WRAP73: variants seen among roughly 807,000 people sequenced by gnomAD.
WRAP73 encodes the protein WD repeat-containing protein WRAP73.
Under a neutral mutation model 59.6 loss-of-function variants are expected in WRAP73, and 55 were observed. That is an observed-to-expected ratio of 0.92 (90% CI 0.74 to 1.15). WRAP73 has a LOEUF of 1.15. WRAP73 is among the 50% of genes most tolerant of loss of function. The probability of loss-of-function intolerance (pLI) is 0.00; values close to 1 mark genes in which losing one functional copy is unlikely to be tolerated. For synonymous variants in WRAP73, 265 were observed against 258.2 expected, an observed-to-expected ratio of 1.03 and a Z score of -0.25; for missense variants, 592 against 608.1, an observed-to-expected ratio of 0.97 and a Z score of 0.28.
intron 10 of WRAP73, 129 bp downstream of exon 10, chr1:3,632,084 A>G: frequency 1.3e-6 from 2 of 1,499,206 alleles, no homozygotes; most frequent in Non-Finnish European, 1.8e-6. Flanking sequence ...CACCTCGGCT[A>G]CTGCAGAAAC....
intron 8 of WRAP73, chr1:3,633,991 G>A (rs1644566226): frequency 1.3e-5 from 2 of 157,378 alleles, no homozygotes; most frequent in Non-Finnish European, 2.8e-5. Flanking sequence ...CCAGGTAAGG[G>A]AGTCACCTGG....
chr1:3,631,753 A>T, intron 10 of WRAP73, 96 bp from the exon 11 acceptor site: 25 of 1,458,322 alleles, frequency 1.7e-5, no homozygotes, highest in Admixed American at 2.2e-5. Flanking sequence ...ACAGGAGGGG[A>T]GGGGAAGAAC....
At chr1:3,635,921 A>G in intron 6 of WRAP73, 23 bp downstream of exon 6, 3 of 1,604,760 alleles carry the variant, frequency 1.9e-6, no homozygotes, top group South Asian at 1.1e-5. Flanking sequence ...GAAAGCAAAC[A>G]TGTCACCTGG....
rs1570295353 is a variant in WRAP73, at chr1:3,634,892, C to A, written c.816+105G>T. 9 of 1,331,274 alleles carry A rather than the reference C, an allele frequency of 6.8e-6. No individual in the cohort carries two copies. The East Asian group carries it at 1.8e-4, about 27-fold the overall frequency. 82.5% of individuals were successfully genotyped at this position (1,331,274 alleles called of 1,614,324 possible). The stretch of plus-strand genomic sequence containing the variant: ...TAGCAAGTTTACGGTGATGGAAGTG[C>A]CCGGTTAAATAATAAACCACAATCA... On this transcript the variant is annotated intron_variant, in intron 8 of 11. Transcript: ENST00000270708.
chr1:3,639,326 G>A lies in WRAP73; in HGVS notation c.340-504C>T. 2 of 172,088 alleles carry A rather than the reference G, an allele frequency of 1.2e-5. No individual in the cohort carries two copies. The highest frequency in any genetic ancestry group is 2.5e-5 in the Non-Finnish European group (2 of 81,540). 10.7% of individuals were successfully genotyped at this position (172,088 alleles called of 1,614,324 possible). A position where few individuals can be genotyped will look rare whatever the true frequency, so the allele number is the denominator to read the frequency against. On this transcript the variant is annotated intron_variant, in intron 3 of 11. Transcript: ENST00000270708. The surrounding 1 kb of genome is among the most constrained non-coding windows in gnomAD (Gnocchi z 4.3). ...AGGTGTCCGTCTGCCTCCTGCGTGT[G>A]CTCGCTGGCCTGGCTGCATCTGCAG...
Position 3,631,127 on chromosome 1 carries a change from G to A in WRAP73, c.1241-10C>T, listed in dbSNP as rs1557452179. On this transcript the variant is annotated splice_polypyrimidine_tract_variant and intron_variant, in intron 11 of 11. Coordinates refer to ENST00000270708, the MANE Select transcript of WRAP73 (RefSeq NM_017818.4). ...AGCACTGCAAAGTCGCCTAGAGAGA[G>A]ACAGGTGGCCAGAGGATTACAGCAG... 1.9e-6 allele frequency: 3 copies of A among 1,612,988 alleles called. No homozygotes were observed. The highest frequency in any genetic ancestry group is 2.5e-6 in the Non-Finnish European group (3 of 1,179,948).
chr1:3,640,696 C>A (rs190377925), intron 3 of WRAP73, among the ~76,000 whole-genome samples: 1,545 of 150,658 alleles, frequency 0.01, 12 homozygotes, highest in Non-Finnish European at 0.017. Context: ...ATCAGCAGGG[C>A]AGGGTGCAGC....
intron 3 of WRAP73, among the ~76,000 whole-genome samples, chr1:3,640,764 G>A (rs1365686462): frequency 6.6e-6 from 1 of 151,808 alleles, no homozygotes; most frequent in Non-Finnish European, 1.5e-5. Context: ...CTCAGCATCA[G>A]CAGGGCGGGG....
At chr1:3,636,071 T>C (rs1441326526) in intron 5 of WRAP73, 41 bp from the exon 6 acceptor site, 1 of 1,461,052 alleles carries the variant, frequency 6.8e-7, no homozygotes, top group African/African-American at 1.4e-5. Flanking sequence ...TTGGAAAATA[T>C]TTTCGTAAAT....
intron 10 of WRAP73, 196 bp from the exon 11 acceptor site, chr1:3,631,853 G>T (rs1016916181): frequency 3.6e-6 from 5 of 1,402,972 alleles, no homozygotes; most frequent in Non-Finnish European, 4.6e-6. Flanking sequence ...ATCACGGGCT[G>T]TAAGGGGCCC....
chr1:3,644,634 C>T (rs1644673194), intron 3 of WRAP73, among the ~76,000 whole-genome samples: 1 of 152,236 alleles, frequency 6.6e-6, no homozygotes. Context: ...TCCTCATCCA[C>T]CACCTGGTCT....
Position 3,650,051 on chromosome 1 carries a change from C to G in WRAP73, c.-52G>C. 1 of 1,511,640 alleles carries G rather than the reference C, an allele frequency of 6.6e-7. No homozygotes were observed. Among genetic ancestry groups the G allele is most frequent in the Non-Finnish European group, 8.9e-7 (1 of 1,126,574 alleles). The allele number at this position is 1,511,640 out of a possible 1,614,324, so 93.6% of individuals were successfully genotyped here. A position where few individuals can be genotyped will look rare whatever the true frequency, so the allele number is the denominator to read the frequency against. On this transcript the variant is annotated 5_prime_UTR_variant, in exon 1 of 12. Coordinates refer to ENST00000270708, the MANE Select transcript of WRAP73 (RefSeq NM_017818.4). ...CTGCGCCCGAAAACCCGCGGGACCCCTGGGCGCGCAGCAGGCTGCAACAGC... is the reference window on the plus strand; with the variant it reads ...CTGCGCCCGAAAACCCGCGGGACCCGTGGGCGCGCAGCAGGCTGCAACAGC...
In WRAP73 at chr1:3,646,957, C is replaced by T. The variant is rs1352867748; in HGVS notation, c.223-175G>A. Among the ~76,000 whole-genome samples the T allele has an allele frequency of 1.3e-5, 2 of 152,126 alleles. No homozygotes were observed. The highest frequency in any genetic ancestry group is 3.9e-4 in the East Asian group (2 of 5,194). ...AACTCCCTTAAAACCAGCAGAGACC[C>T]GATCACACAGGGTGTCTTTTAGAAC... On this transcript the variant is annotated intron_variant, in intron 2 of 11. Transcript: ENST00000270708. This position sits in a 1 kb window ranked among gnomAD's most constrained non-coding sequence, Gnocchi z 5.1.
Position 3,643,541 on chromosome 1 carries a change from T to TGAG in WRAP73, c.339+3124_339+3125insCTC, listed in dbSNP as rs1187701031. Among the ~76,000 whole-genome samples the TGAG allele has an allele frequency of 4.7e-4, 72 of 152,228 alleles. 2 individuals are homozygous for TGAG. The highest frequency in any genetic ancestry group is 6.8e-3 in the Middle Eastern group (2 of 294). On this transcript the variant is annotated intron_variant, in intron 3 of 11. Transcript: ENST00000270708. ...CAGCACCCTCACGTGGGGTGGCGCC[T>TGAG]TCGCAAGTGGACTCAGCGGCCCCAC...
chr1:3,638,238 C>T (rs1025120835), intron 4 of WRAP73, among the ~76,000 whole-genome samples: 11 of 152,258 alleles, frequency 7.2e-5, no homozygotes, highest in African/African-American at 2.4e-4. Flanking sequence ...GTGGGCCACC[C>T]TGCGCCGGCC....
chr1:3,647,667 C>G (rs12086552), intron 1 of WRAP73, 107 bp from the exon 2 acceptor site: 87,267 of 1,272,564 alleles, frequency 0.069, 5,721 homozygotes, highest in African/African-American at 0.29. Flanking sequence ...TCTCTCCTGC[C>G]AGAGGTTTCA....
At chr1:3,634,784 C>A (rs1644573496) in intron 8 of WRAP73, 1 of 616,910 alleles carries the variant, frequency 1.6e-6, no homozygotes, top group Non-Finnish European at 2.9e-6. Context: ...CAGGCCAGGG[C>A]AAGGCCCACT....
chr1:3,637,976 A>G (rs1221321519), intron 4 of WRAP73, among the ~76,000 whole-genome samples: 1 of 152,238 alleles, frequency 6.6e-6, no homozygotes, highest in Non-Finnish European at 1.5e-5. Context: ...AAATGACGAA[A>G]CCACGGTGTC....
intron 7 of WRAP73, 34 bp from the exon 8 acceptor site, chr1:3,635,108 G>A (rs1212189432): frequency 1.9e-6 from 3 of 1,614,172 alleles, no homozygotes; most frequent in African/African-American, 2.7e-5. Flanking sequence ...GTGAGGCAGG[G>A]CCCGGCCCGC....
Sources: gnomAD v4.1 joint callset for allele counts (sites outside exome capture counted in the v4.1 genomes callset) on GRCh38, gnomAD v4.1.1 for gene constraint, Gnocchi (gnomAD v3.1) non-coding constraint, MANE v1.5 for transcripts, NCBI Gene and HGNC (gene_info 2026-07-23, HGNC 2026-07-21) for gene names.